Variants in SEC16B observed in about 807,000 individuals in gnomAD.
SEC16B encodes the protein protein transport protein Sec16B.
A neutral mutation model predicts 141.8 loss-of-function variants in SEC16B; 115 were observed. The observed-to-expected ratio is 0.81, with a 90% CI of 0.70 to 0.95. The LOEUF is 0.95. Among genes scored for constraint, SEC16B ranks in the 40% least tolerant of loss-of-function variants. The pLI is 0.00. For missense variants in SEC16B, 1,291 were observed against 1,312.3 expected (o/e 0.98, Z 0.25); for synonymous variants, 493 against 492.5 (o/e 1.00, Z -0.01).
At chr1:177,961,349 T>C in intron 6 of SEC16B, 3 of 516,748 alleles carry the variant, frequency 5.8e-6, no homozygotes, top group East Asian at 3.4e-5. Context: ...ACTGAGTGCC[T>C]CCTTTCCCAA....
In SEC16B at chr1:177,933,516, C is replaced by G; in HGVS notation, c.2692G>C (p.Gly898Arg). The G allele has an allele frequency of 1.2e-6, 2 of 1,613,844 alleles. No homozygotes were observed. The highest frequency in any genetic ancestry group is 1.3e-5 in the African/African-American group (1 of 75,050). Residue 898 changes from glycine to arginine, a missense_variant, in exon 21 of 26, where the codon GGC (glycine) becomes CGC (arginine). Physicochemically the swap from Gly to Arg is moderately radical, Grantham distance 125 (BLOSUM62 -2). This residue lies in a region of SEC16B where 605 missense variants were observed against 614.1 expected (regional missense o/e 0.99). Transcript: ENST00000308284. ...TGCTCCTTCCCATCTCCGAGCTTGCCTCTCTGGGCAGTATTTCGGGGAGAG... is the reference window on the plus strand; with the variant it reads ...TGCTCCTTCCCATCTCCGAGCTTGCGTCTCTGGGCAGTATTTCGGGGAGAG... Reference protein sequence around the residue: ...KNSPRNTAQRGKLGDGKEHTK... With the variant: ...KNSPRNTAQRRKLGDGKEHTK...
At chr1:177,964,024 C>T (rs1653296418) in intron 5 of SEC16B, 147 bp downstream of exon 5, 5 of 583,348 alleles carry the variant, frequency 8.6e-6, no homozygotes, top group East Asian at 6.2e-5. Flanking sequence ...AAGGCATGGG[C>T]GGAGGTTCTG....
At chr1:177,947,666 G>A (rs942669127) in intron 13 of SEC16B, among the ~76,000 whole-genome samples, 159 bp downstream of exon 13, 2 of 150,586 alleles carry the variant, frequency 1.3e-5, no homozygotes, top group East Asian at 4.0e-4. Context: ...AGAATCTAAG[G>A]GCAGGATGTT....
chr1:177,984,050 T>C (rs771916962), intron 1 of SEC16B, among the ~76,000 whole-genome samples: 3 of 152,182 alleles, frequency 2.0e-5, no homozygotes, highest in Non-Finnish European at 4.4e-5. Flanking sequence ...CTGAAAACCA[T>C]GTGCTGGCTT....
Position 177,928,981 on chromosome 1 carries a change from G to GC in SEC16B, c.*876dup, listed in dbSNP as rs35313558. On this transcript the variant is annotated 3_prime_UTR_variant, in exon 26 of 26. Coordinates refer to ENST00000308284, the MANE Select transcript of SEC16B (RefSeq NM_033127.4). ...AAAGAGAAATGGAAATTTCCAAGAC[G>GC]CCCCCCTCCTCCCTCTCACTCCAGT... 3 of 152,278 alleles carry GC rather than the reference G, an allele frequency of 2.0e-5. No homozygotes were observed. 9.4% of individuals were successfully genotyped at this position (152,278 alleles called of 1,614,324 possible).
intron 1 of SEC16B, among the ~76,000 whole-genome samples, chr1:177,983,910 C>T (rs1654525898): frequency 6.6e-6 from 1 of 152,188 alleles, no homozygotes; most frequent in African/African-American, 2.4e-5. Flanking sequence ...ATTAACAATC[C>T]ATTCCATCCC....
intron 8 of SEC16B, 177 bp from the exon 9 acceptor site, chr1:177,959,152 C>G (rs1557985012): frequency 5.7e-6 from 4 of 704,218 alleles, no homozygotes; most frequent in Admixed American, 4.4e-5. Context: ...TCTTATAGAA[C>G]AAGAAGAAAT....
chr1:177,963,371 G>A (rs780236063), intron 5 of SEC16B, among the ~76,000 whole-genome samples: 6 of 151,288 alleles, frequency 4.0e-5, no homozygotes, highest in Admixed American at 1.4e-4. Context: ...TTGGGAGGCC[G>A]AGGTGGGTGG....
chr1:177,931,939 C>T (rs1453542631), intron 24 of SEC16B, among the ~76,000 whole-genome samples: 1 of 152,040 alleles, frequency 6.6e-6, no homozygotes, highest in Admixed American at 6.5e-5. Flanking sequence ...AGGCAAGTCC[C>T]CAGGCTTCCC....
chr1:177,973,942 A>T (rs1359307269), upstream of SEC16B, among the ~76,000 whole-genome samples: 1 of 152,082 alleles, frequency 6.6e-6, no homozygotes, highest in Admixed American at 6.5e-5. Flanking sequence ...AGCAGGACAG[A>T]TGAATGCCTG....
chr1:177,946,534 G>A lies in SEC16B; in HGVS notation c.1664-3C>T. Reference sequence around the variant, plus strand: ...TGCCTCCACAAGCCCCTTCCCAGCTGCGGGAGGAAGAGAACAAGACCCAAT... The same window carrying A: ...TGCCTCCACAAGCCCCTTCCCAGCTACGGGAGGAAGAGAACAAGACCCAAT... On this transcript the variant is annotated splice_polypyrimidine_tract_variant and splice_region_variant and intron_variant, in intron 13 of 25. Transcript: ENST00000308284. 1 of 1,565,220 alleles carries A rather than the reference G, an allele frequency of 6.4e-7. No homozygotes were observed. The highest frequency in any genetic ancestry group is 8.7e-7 in the Non-Finnish European group (1 of 1,155,098).
intron 1 of SEC16B, among the ~76,000 whole-genome samples, chr1:177,982,578 C>T (rs1336592726): frequency 2.0e-5 from 3 of 152,150 alleles, no homozygotes; most frequent in African/African-American, 4.8e-5. Flanking sequence ...ATTCTACTAA[C>T]GTGTTATGAA....
chr1:177,959,448 C>T, intron 8 of SEC16B: 1 of 179,624 alleles, frequency 5.6e-6, no homozygotes, highest in South Asian at 1.3e-4. Context: ...TTATGATTTG[C>T]TCAAGATTAT....
At chr1:177,944,231 A>G (rs1288771511) in intron 15 of SEC16B, among the ~76,000 whole-genome samples, 1 of 152,162 alleles carries the variant, frequency 6.6e-6, no homozygotes, top group African/African-American at 2.4e-5. Flanking sequence ...GGCTCAGAAG[A>G]AAGGGAGAGC....
Position 177,946,424 on chromosome 1 carries a change from G to C in SEC16B, c.1771C>G (p.His591Asp). The change falls in exon 14 of 26, where the codon CAC becomes GAC. Residue 591 changes from histidine (H) to aspartate (D), a missense_variant. By Grantham distance (81) the His-to-Asp change is moderately conservative. Around this residue, in one of 3 missense-constraint regions of SEC16B, gnomAD observed 605 missense variants for 614.1 expected, o/e 0.99. Coordinates refer to ENST00000308284, the MANE Select transcript of SEC16B (RefSeq NM_033127.4). ...TDHLVLLGSS[H>D]SQEFLKFATT... ...CCTTTCTCCCAGGTCGCATACCTGT[G>C]GCTGCTGCCCAGCAAGACCAGATGG... is the stretch of plus-strand genomic sequence containing the variant. 6.4e-7 allele frequency: 1 copy of C among 1,563,212 alleles called. No homozygotes were observed. The highest frequency in any genetic ancestry group is 1.2e-5 in the South Asian group (1 of 84,712).
At chr1:177,949,768 T>C (rs999204251) in intron 12 of SEC16B, among the ~76,000 whole-genome samples, 2 of 152,180 alleles carry the variant, frequency 1.3e-5, no homozygotes, top group Non-Finnish European at 2.9e-5. Flanking sequence ...CACGTCTGTG[T>C]TGTCCTGTTG....
rs1261454020 is a variant in SEC16B at position 177,958,913 on chromosome 1, T to C, written c.1061A>G (p.Lys354Arg). ...GTCTCTGCTCCCCAGTGTCTCAGAT[T>C]TGCAGCTCTGAGCTGCTTTCTGCTG... is the stretch of plus-strand genomic sequence containing the variant. ...FCQQKAAQSCKSETLGSRDSA... is the reference protein window; with the variant it reads ...FCQQKAAQSCRSETLGSRDSA... The change falls in exon 9 of 26, where the codon AAA becomes AGA. Residue 354 changes from lysine (K) to arginine (R), a missense_variant. Physicochemically the swap from Lys to Arg is conservative, Grantham distance 26. Coordinates refer to ENST00000308284, the MANE Select transcript of SEC16B (RefSeq NM_033127.4). The C allele has an allele frequency of 3.1e-6, 5 of 1,613,830 alleles. No homozygotes were observed. In the South Asian group the frequency reaches 5.5e-5, roughly 18 times the overall value.
rs1228795370 is a variant in SEC16B, at chr1:177,939,151, G to A, written c.2203+551C>T. Among the ~76,000 whole-genome samples, 4 of 152,218 alleles carry A rather than the reference G, an allele frequency of 2.6e-5. No individual in the cohort carries two copies. In the South Asian group the frequency reaches 6.2e-4, roughly 24 times the overall value. ...TGGGAAGAGACGGGGGCCCTTTCCC[G>A]GCCCTACTGCAGGGGGAACTTGGGG... is the stretch of plus-strand genomic sequence containing the variant. On this transcript the variant is annotated intron_variant, in intron 18 of 25. Transcript: ENST00000308284.
chr1:177,940,971 T>C (rs541026002), intron 16 of SEC16B, among the ~76,000 whole-genome samples: 26 of 152,350 alleles, frequency 1.7e-4, no homozygotes, highest in African/African-American at 5.8e-4. Flanking sequence ...AAACAGTTAC[T>C]CAGCTTCATT....
Sources: gnomAD v4.1 joint callset for allele counts (sites outside exome capture counted in the v4.1 genomes callset) on GRCh38, gnomAD v4.1.1 for gene constraint, gnomAD v4.1.1 regional missense constraint, MANE v1.5 for transcripts, NCBI Gene and HGNC (gene_info 2026-07-23, HGNC 2026-07-21) for gene names.